NT5M: variants seen among roughly 807,000 people sequenced by gnomAD.
NT5M encodes 5'(3')-deoxyribonucleotidase, mitochondrial.
A neutral mutation model predicts 22.2 loss-of-function variants in NT5M; 22 were observed. That is an observed-to-expected ratio of 0.99 (90% CI 0.71 to 1.41). The LOEUF is 1.41. NT5M is among the 40% of genes most tolerant of loss of function. The pLI is 0.00. For missense variants in NT5M, 322 were observed against 314.8 expected (o/e 1.02, Z -0.17); for synonymous variants, 167 against 133.0 (o/e 1.26, Z -1.76).
intron 2 of NT5M, among the ~76,000 whole-genome samples, chr17:17,308,806 G>A (rs1291844136): frequency 3.9e-5 from 6 of 152,156 alleles, no homozygotes; most frequent in Non-Finnish European, 7.3e-5. Context: ...TCTGTCTTTA[G>A]GAATTTGCCT....
chr17:17,320,699 G>A (rs1038561655), intron 2 of NT5M, among the ~76,000 whole-genome samples: 4 of 152,292 alleles, frequency 2.6e-5, no homozygotes, highest in Non-Finnish European at 4.4e-5. Flanking sequence ...GTTTAAAGCA[G>A]GAGTGCAGGC....
Position 17,329,270 on chromosome 17 carries a change from G to A in NT5M, c.429+6025G>A, listed in dbSNP as rs116178046. Among the ~76,000 whole-genome samples, 632 of 152,344 alleles carry A rather than the reference G, an allele frequency of 4.1e-3. 4 individuals carry two copies. Among genetic ancestry groups the A allele is most frequent in the African/African-American group, 0.014 (581 of 41,592 alleles). ...TGGGATTACAGGCGTGAGCCGCAGC[G>A]CCTGGCCTTAAAATAGGTATCTTTA... On this transcript the variant is annotated intron_variant, in intron 3 of 4. Transcript: ENST00000389022.
intron 2 of NT5M, among the ~76,000 whole-genome samples, chr17:17,309,630 G>A (rs1282373713): frequency 6.8e-6 from 1 of 147,960 alleles, no homozygotes; most frequent in African/African-American, 2.5e-5. Flanking sequence ...GTGATTTTGT[G>A]AATTTTGGGT....
chr17:17,329,238 A>G (rs1294075238), intron 3 of NT5M, among the ~76,000 whole-genome samples: 3 of 152,274 alleles, frequency 2.0e-5, no homozygotes, highest in East Asian at 3.9e-4. Flanking sequence ...TCGGCCTCCC[A>G]AGGTGCTGGG....
rs2048722261 is a variant in NT5M at position 17,303,429 on chromosome 17, C to T, written c.-122C>T. 1 of 990,326 alleles carries T rather than the reference C, an allele frequency of 1.0e-6. No homozygotes were observed. The highest frequency in any genetic ancestry group is 4.7e-5 in the South Asian group (1 of 21,262). The allele number at this position is 990,326 out of a possible 1,614,324, so 61.3% of individuals were successfully genotyped here. On this transcript the variant is annotated 5_prime_UTR_variant, in exon 1 of 5. Coordinates refer to ENST00000389022, the MANE Select transcript of NT5M (RefSeq NM_020201.4). ...CCGCGCTCCCCGCCCCGCTCCCCGTCCCGCGCTCCACGCGCGCCCCAGCGT... is the reference window on the plus strand; with the variant it reads ...CCGCGCTCCCCGCCCCGCTCCCCGTTCCGCGCTCCACGCGCGCCCCAGCGT...
intron 2 of NT5M, among the ~76,000 whole-genome samples, chr17:17,320,739 T>C (rs1250741863): frequency 2.0e-5 from 3 of 152,114 alleles, no homozygotes; most frequent in Non-Finnish European, 4.4e-5. Flanking sequence ...AGACCCAACC[T>C]GGAGCGGTCA....
intron 3 of NT5M, among the ~76,000 whole-genome samples, chr17:17,343,732 A>G (rs1046988502): frequency 1.3e-5 from 2 of 152,118 alleles, no homozygotes; most frequent in African/African-American, 4.8e-5. Flanking sequence ...GAGCTTAGGG[A>G]AAAAGTGCAT....
chr17:17,343,055 C>T (rs1025642919), intron 3 of NT5M, among the ~76,000 whole-genome samples: 12 of 152,178 alleles, frequency 7.9e-5, no homozygotes, highest in Non-Finnish European at 1.0e-4. Context: ...GCTCTTGCCC[C>T]CCATCCAGCC....
chr17:17,341,320 C>T (rs1290614857), intron 3 of NT5M, among the ~76,000 whole-genome samples: 2 of 152,136 alleles, frequency 1.3e-5, no homozygotes, highest in Non-Finnish European at 2.9e-5. Flanking sequence ...GGTGTCCTCA[C>T]AGTTTTTTAT....
At chr17:17,307,213 C>G (rs774011515) in intron 2 of NT5M, among the ~76,000 whole-genome samples, 1 of 152,172 alleles carries the variant, frequency 6.6e-6, no homozygotes, top group South Asian at 2.1e-4. Flanking sequence ...CTCATTTATT[C>G]AGCAAATATC....
chr17:17,329,681 A>G (rs2049335995), intron 3 of NT5M, among the ~76,000 whole-genome samples: 1 of 152,162 alleles, frequency 6.6e-6, no homozygotes, highest in South Asian at 2.1e-4. Flanking sequence ...AAATGTCAAA[A>G]ATTCCCACTT....
At chr17:17,325,298 C>T (rs1039340125) in intron 3 of NT5M, among the ~76,000 whole-genome samples, 5 of 152,130 alleles carry the variant, frequency 3.3e-5, no homozygotes, top group South Asian at 2.1e-4. Flanking sequence ...TGCGTTGCCT[C>T]GGCCCGGGAC....
chr17:17,343,952 C>T (rs2049701921), intron 3 of NT5M, among the ~76,000 whole-genome samples: 1 of 152,140 alleles, frequency 6.6e-6, no homozygotes. Context: ...TTAGGCTGCG[C>T]CCACCCCTGG....
At chr17:17,305,191 C>G (rs2048769600) in intron 1 of NT5M, among the ~76,000 whole-genome samples, 1 of 152,092 alleles carries the variant, frequency 6.6e-6, no homozygotes, top group Non-Finnish European at 1.5e-5. Context: ...AGCAGCTTTT[C>G]CAGTTCTTTG....
chr17:17,344,759 C>G (rs763155598), intron 3 of NT5M, 35 bp from the exon 4 acceptor site: 1 of 1,607,500 alleles, frequency 6.2e-7, no homozygotes, highest in Admixed American at 1.7e-5. Context: ...ATGTCACTTT[C>G]TTCTCACCAC....
chr17:17,341,616 T>G (rs2049643052), intron 3 of NT5M, among the ~76,000 whole-genome samples: 1 of 152,234 alleles, frequency 6.6e-6, no homozygotes, highest in Admixed American at 6.5e-5. Context: ...GGGATAGAGA[T>G]ACTCACGTGA....
chr17:17,339,769 A>C (rs2049600021), intron 3 of NT5M, among the ~76,000 whole-genome samples: 1 of 152,190 alleles, frequency 6.6e-6, no homozygotes, highest in Non-Finnish European at 1.5e-5. Flanking sequence ...TTGATATGAT[A>C]TATCACATTA....
rs545779476 is a variant in NT5M at position 17,308,592 on chromosome 17, A to G, written c.368+1949A>G. On this transcript the variant is annotated intron_variant, in intron 2 of 4. Coordinates refer to ENST00000389022, the MANE Select transcript of NT5M (RefSeq NM_020201.4). ...GGGCAACAGAGTGAAACTCTGTCTC[A>G]AAAAAAAAAAGAGACATACCGTGCA... 1.2e-4 allele frequency among the ~76,000 whole-genome samples: 18 copies of G among 145,716 alleles called. No homozygotes were observed. In the East Asian group the frequency reaches 3.0e-3, roughly 24 times the overall value.
chr17:17,314,555 A>G lies in NT5M; in HGVS notation c.368+7912A>G, dbSNP rs569914831. On this transcript the variant is annotated intron_variant, in intron 2 of 4. Transcript: ENST00000389022. ...CAGCAGTCAGAGTGATATTTTTTAA[A>G]CCAAATTCAGATGATGTTAGCCCCA... Among the ~76,000 whole-genome samples, 18 of 152,220 alleles carry G rather than the reference A, an allele frequency of 1.2e-4. 1 individual carries two copies. The highest frequency in any genetic ancestry group is 4.1e-4 in the African/African-American group (17 of 41,552).
Sources: allele counts gnomAD v4.1 joint callset (sites outside exome capture counted in the v4.1 genomes callset), GRCh38; gene constraint gnomAD v4.1.1; transcripts MANE v1.5; gene names NCBI Gene and HGNC (gene_info 2026-07-23, HGNC 2026-07-21).